SIK2: variants seen among roughly 807,000 people sequenced by gnomAD.
SIK2 encodes serine/threonine-protein kinase SIK2.
SIK2 carries 29 observed loss-of-function variants against 103.2 expected under a neutral mutation model. The observed-to-expected ratio is 0.28, with a 90% CI of 0.21 to 0.38. The LOEUF (loss-of-function observed/expected upper bound fraction) is 0.38. Among genes scored for constraint, SIK2 ranks in the 10% least tolerant of loss-of-function variants. SIK2 has a pLI of 1.00. For synonymous variants in SIK2, 412 were observed against 446.1 expected (o/e 0.92, Z 0.96); for missense variants, 879 against 1,171.0 (o/e 0.75, Z 3.64).
At chr11:111,603,465 T>C (rs1438909844) in intron 1 of SIK2, among the ~76,000 whole-genome samples, 3 of 152,090 alleles carry the variant, frequency 2.0e-5, no homozygotes, top group Non-Finnish European at 4.4e-5. Context: ...TAATACGCAT[T>C]CTTTAAACCA....
intron 3 of SIK2, chr11:111,672,366 G>T (rs1942641032): frequency 3.8e-6 from 2 of 527,188 alleles, no homozygotes; most frequent in African/African-American, 2.0e-5. Flanking sequence ...GGCCAGAGGT[G>T]GACACCTTGT....
At chr11:111,671,183 T>C in intron 3 of SIK2, 1 of 254,434 alleles carries the variant, frequency 3.9e-6, no homozygotes, top group South Asian at 4.9e-5. Flanking sequence ...ATACTCATAT[T>C]CTGCATCCCA....
intron 3 of SIK2, among the ~76,000 whole-genome samples, chr11:111,637,964 G>A (rs992954181): frequency 1.3e-5 from 2 of 152,052 alleles, no homozygotes; most frequent in African/African-American, 4.8e-5. Flanking sequence ...ACGTATATTT[G>A]TTTGTCAATT....
At chr11:111,626,444 A>G (rs1260979660) in intron 3 of SIK2, among the ~76,000 whole-genome samples, 5 of 150,684 alleles carry the variant, frequency 3.3e-5, no homozygotes, top group African/African-American at 7.3e-5. Flanking sequence ...CCTTGATGTC[A>G]GTATTGATTC....
chr11:111,719,802 C>T lies in SIK2; in HGVS notation c.1294C>T (p.Pro432Ser), dbSNP rs1565393055. 2.5e-6 allele frequency: 4 copies of T among 1,613,948 alleles called. No individual in the cohort carries two copies. Among genetic ancestry groups the T allele is most frequent in the East Asian group, 2.2e-5 (1 of 44,886 alleles). ...KVNGCLLDPV[P>S]PVLVRKGCQS... ...CAATGGCTGTCTGCTTGACCCTGTG[C>T]CTCCTGTCCTGGTGCGGAAGGGATG... Residue 432 changes from proline (P) to serine (S), a missense_variant, in exon 10 of 15, where the codon CCT (proline) becomes TCT (serine). Transcript: ENST00000304987.
At chr11:111,659,611 C>A (rs575379174) in intron 3 of SIK2, among the ~76,000 whole-genome samples, 1 of 150,324 alleles carries the variant, frequency 6.7e-6, no homozygotes, top group Non-Finnish European at 1.5e-5. Flanking sequence ...ATGGCTCAAA[C>A]GCATTCTCCA....
In SIK2 at chr11:111,725,871, T is replaced by G. The variant is rs937376158; in HGVS notation, c.*1742T>G. ...GTGCCAGGATGCTTCGCAGAGGCAC[T>G]GTGCTCACGGTTGGACTTGGTGTCA... is the stretch of plus-strand genomic sequence containing the variant. On this transcript the variant is annotated 3_prime_UTR_variant, in exon 15 of 15. Coordinates refer to ENST00000304987, the MANE Select transcript of SIK2 (RefSeq NM_015191.3). The G allele has an allele frequency of 1.3e-5, 2 of 152,410 alleles. No individual in the cohort carries two copies. The highest frequency in any genetic ancestry group is 2.4e-5 in the African/African-American group (1 of 41,456). 9.4% of individuals were successfully genotyped at this position (152,410 alleles called of 1,614,324 possible).
chr11:111,606,838 G>C (rs1941655030), intron 1 of SIK2, among the ~76,000 whole-genome samples: 1 of 151,868 alleles, frequency 6.6e-6, no homozygotes, highest in Non-Finnish European at 1.5e-5. Flanking sequence ...AGGAGGCCAG[G>C]CTAGATGGCT....
Position 111,724,144 on chromosome 11 carries a change from T to C in SIK2, c.*15T>C, listed in dbSNP as rs1425520448. On this transcript the variant is annotated 3_prime_UTR_variant, in exon 15 of 15. Transcript: ENST00000304987. ...TGGTGAATTAGTCTCAGCACAGGAATTGAGGTGGGTCAGGTGAAGGAAGAG... is the reference window on the plus strand; with the variant it reads ...TGGTGAATTAGTCTCAGCACAGGAACTGAGGTGGGTCAGGTGAAGGAAGAG... 6.3e-7 allele frequency: 1 copy of C among 1,599,306 alleles called. No individual in the cohort carries two copies. The highest frequency in any genetic ancestry group is 8.5e-7 in the Non-Finnish European group (1 of 1,173,676).
chr11:111,687,736 GCTAGGA>G (rs1942866044), intron 3 of SIK2, among the ~76,000 whole-genome samples: 1 of 151,400 alleles, frequency 6.6e-6, no homozygotes, highest in African/African-American at 2.4e-5. Context: ...CTCTCCAGTA[GCTAGGA>G]CTACAGGCAC....
chr11:111,671,508 A>G, intron 3 of SIK2: 1 of 299,550 alleles, frequency 3.3e-6, no homozygotes, highest in South Asian at 3.4e-5. Flanking sequence ...AGTGCTTTCC[A>G]GATAGCTCCT....
intron 3 of SIK2, among the ~76,000 whole-genome samples, chr11:111,656,518 A>G (rs910803848): frequency 2.0e-5 from 3 of 152,210 alleles, no homozygotes; most frequent in Non-Finnish European, 4.4e-5. Flanking sequence ...TTCCATGAGG[A>G]TAACTAACAT....
intron 3 of SIK2, among the ~76,000 whole-genome samples, chr11:111,647,148 A>G (rs1221764581): frequency 6.6e-6 from 1 of 152,254 alleles, no homozygotes; most frequent in East Asian, 1.9e-4. Flanking sequence ...TCAATTAAAC[A>G]TGCCATAATG....
At chr11:111,633,724 G>A (rs774584834) in intron 3 of SIK2, among the ~76,000 whole-genome samples, 2 of 152,068 alleles carry the variant, frequency 1.3e-5, no homozygotes, top group Admixed American at 1.3e-4. Context: ...AGAATATAAT[G>A]GTAAATAAGA....
chr11:111,662,529 G>A (rs1000249193), intron 3 of SIK2, among the ~76,000 whole-genome samples: 7 of 151,920 alleles, frequency 4.6e-5, no homozygotes, highest in South Asian at 2.1e-4. Flanking sequence ...TGGGTGGATC[G>A]CTTGAGCCGA....
intron 3 of SIK2, among the ~76,000 whole-genome samples, chr11:111,631,133 T>C (rs1319462807): frequency 1.3e-5 from 2 of 152,152 alleles, no homozygotes; most frequent in Non-Finnish European, 2.9e-5. Flanking sequence ...GCAGTTACAA[T>C]GATAATTAGA....
rs1186925061 is a variant in SIK2 at position 111,630,923 on chromosome 11, T to C, written c.316+10521T>C. Among the ~76,000 whole-genome samples, 5 of 152,174 alleles carry C rather than the reference T, an allele frequency of 3.3e-5. No homozygotes were observed. In the East Asian group the frequency reaches 9.7e-4, roughly 29 times the overall value. Reference sequence around the variant, plus strand: ...GAATTGAGGGGTAATAGGGTCTACATAGGATTCAGTATTATGTAATGGTTT... The same window carrying C: ...GAATTGAGGGGTAATAGGGTCTACACAGGATTCAGTATTATGTAATGGTTT... On this transcript the variant is annotated intron_variant, in intron 3 of 14. Transcript: ENST00000304987.
rs774352072 is a variant in SIK2 at position 111,724,094 on chromosome 11, G to A, written c.2746G>A (p.Asp916Asn). ...LFDCEMLDAV[D>N]PQHNGYVLVN ...TGATTGTGAAATGCTAGACGCTGTG[G>A]ATCCACAACACAACGGGTATGTCCT... is the stretch of plus-strand genomic sequence containing the variant. The change falls in exon 15 of 15, where the codon GAT becomes AAT. Residue 916 changes from aspartate (D) to asparagine (N), a missense_variant. Asp to Asn is a conservative substitution (Grantham distance 23, BLOSUM62 1). Around this residue, in one of 7 missense-constraint regions of SIK2, gnomAD observed 375 missense variants for 416.3 expected, o/e 0.90. Transcript: ENST00000304987. The A allele has an allele frequency of 6.2e-7, 1 of 1,612,760 alleles. No individual in the cohort carries two copies. The highest frequency in any genetic ancestry group is 1.7e-5 in the Admixed American group (1 of 60,012).
intron 3 of SIK2, among the ~76,000 whole-genome samples, chr11:111,685,263 G>A (rs1942830443): frequency 6.6e-6 from 1 of 152,190 alleles, no homozygotes; most frequent in Non-Finnish European, 1.5e-5. Context: ...TCCCTCACAT[G>A]TGCAGTTCAC....
Sources: allele counts gnomAD v4.1 joint callset (sites outside exome capture counted in the v4.1 genomes callset), GRCh38; gene constraint gnomAD v4.1.1; regional missense constraint gnomAD v4.1.1; transcripts MANE v1.5; gene names NCBI Gene and HGNC (gene_info 2026-07-23, HGNC 2026-07-21).